The following CCDC175 variants were observed in gnomAD, a reference collection of about 807,000 sequenced individuals.
CCDC175 encodes coiled-coil domain containing 175.
CCDC175 carries 100 observed loss-of-function variants against 114.6 expected under a neutral mutation model. The ratio of observed to expected loss-of-function variants is 0.87; its 90% CI spans 0.74 to 1.03. The LOEUF is 1.03. CCDC175 is among the 50% of genes least tolerant of loss of function. CCDC175 has a pLI of 0.00. For synonymous variants in CCDC175, 306 were observed against 308.7 expected (o/e 0.99, Z 0.09); for missense variants, 880 against 917.8 (o/e 0.96, Z 0.53).
rs112518084 is a variant in CCDC175, at chr14:59,545,938, A to G, written c.1036-639T>C. ...TTATTCAAAAAACAAAAATAGAATT[A>G]CTATTCAACCCAGCAATCCCATTAC... On this transcript the variant is annotated intron_variant, in intron 8 of 19. Transcript: ENST00000537690. Among the ~76,000 whole-genome samples, 321 of 152,336 alleles carry G rather than the reference A, an allele frequency of 2.1e-3. 1 individual carries two copies. Among genetic ancestry groups the G allele is most frequent in the African/African-American group, 6.9e-3 (288 of 41,574 alleles).
At chr14:59,576,585 A>C in intron 1 of CCDC175, 34 bp downstream of exon 1, 1 of 1,394,738 alleles carries the variant, frequency 7.2e-7, no homozygotes, top group Non-Finnish European at 9.2e-7. Flanking sequence ...ACCTCTGAGG[A>C]GACGTCCCTT....
chr14:59,573,707 T>C (rs1458061556), intron 2 of CCDC175, among the ~76,000 whole-genome samples: 1 of 151,588 alleles, frequency 6.6e-6, no homozygotes, highest in East Asian at 1.9e-4. Flanking sequence ...CTCTGCCTCC[T>C]GGTTTCAAGC....
chr14:59,510,757 C>T lies in CCDC175; in HGVS notation c.2194G>A (p.Asp732Asn). The T allele has an allele frequency of 6.5e-7, 1 of 1,537,350 alleles. No individual in the cohort carries two copies. Among genetic ancestry groups the T allele is most frequent in the Non-Finnish European group, 8.7e-7 (1 of 1,146,904 alleles). ...TTTTCATCTCTTTCACGCAGCTTGT[C>T]TGTTAGATTGTTTATGTCTTGCAAG... ...ETLQDINNLT[D>N]KLRERDEKMQ... Residue 732 changes from aspartate to asparagine, a missense_variant, in exon 19 of 20, where the codon GAC becomes AAC. Physicochemically the swap from Asp to Asn is conservative, Grantham distance 23 (BLOSUM62 1). Transcript: ENST00000537690.
At chr14:59,513,554 G>A (rs775367958) in intron 17 of CCDC175, among the ~76,000 whole-genome samples, 1 of 152,202 alleles carries the variant, frequency 6.6e-6, no homozygotes, top group Non-Finnish European at 1.5e-5. Flanking sequence ...TATGCCCACG[G>A]AGCCTCACTC....
intron 7 of CCDC175, among the ~76,000 whole-genome samples, chr14:59,555,454 G>A (rs1305868037): frequency 2.6e-5 from 4 of 152,262 alleles, no homozygotes; most frequent in African/African-American, 9.6e-5. Context: ...TGGTATTGAT[G>A]GGACGTATCT....
At chr14:59,521,796 AG>A in intron 16 of CCDC175, 120 bp from the exon 17 acceptor site, 1 of 589,658 alleles carries the variant, frequency 1.7e-6, no homozygotes. Flanking sequence ...TTCTAGGTAC[AG>A]GGGTAACAGT....
At chr14:59,528,870 T>A (rs776176616) in intron 14 of CCDC175, among the ~76,000 whole-genome samples, 34 of 152,296 alleles carry the variant, frequency 2.2e-4, no homozygotes, top group Admixed American at 2.0e-3. Context: ...CTCTTTCTGT[T>A]CTCTAATCTT....
intron 15 of CCDC175, 60 bp downstream of exon 15, chr14:59,527,035 T>C: frequency 1.1e-6 from 1 of 877,632 alleles, no homozygotes; most frequent in Non-Finnish European, 1.7e-6. Context: ...AATACTACCA[T>C]CTGTATATAC....
intron 6 of CCDC175, among the ~76,000 whole-genome samples, chr14:59,562,904 T>G (rs1191318332): frequency 6.6e-6 from 1 of 152,172 alleles, no homozygotes; most frequent in Non-Finnish European, 1.5e-5. Context: ...GGGAGAAAAT[T>G]TTCATTTTAT....
intron 2 of CCDC175, among the ~76,000 whole-genome samples, chr14:59,574,453 T>G (rs2140137789): frequency 6.6e-6 from 1 of 152,328 alleles, no homozygotes; most frequent in Middle Eastern, 3.4e-3. Flanking sequence ...TGAAAGAGTT[T>G]CTCTTTGTTT....
intron 1 of CCDC175, among the ~76,000 whole-genome samples, chr14:59,576,241 A>G (rs777222734): frequency 1.3e-5 from 2 of 152,198 alleles, no homozygotes; most frequent in East Asian, 1.9e-4. Flanking sequence ...TGCCACGGCA[A>G]AATGTCGGAG....
chr14:59,539,395 T>C (rs927916365), intron 11 of CCDC175, among the ~76,000 whole-genome samples: 1 of 151,782 alleles, frequency 6.6e-6, no homozygotes, highest in South Asian at 2.1e-4. Flanking sequence ...CTGCCCAACA[T>C]GGAGAAACCC....
At chr14:59,511,262 T>C (rs1892723682) in intron 18 of CCDC175, among the ~76,000 whole-genome samples, 1 of 152,200 alleles carries the variant, frequency 6.6e-6, no homozygotes, top group Non-Finnish European at 1.5e-5. Flanking sequence ...AACGCTTTCC[T>C]AGTCCAGTGT....
intron 3 of CCDC175, among the ~76,000 whole-genome samples, chr14:59,571,856 G>A (rs1203618330): frequency 6.6e-6 from 1 of 152,132 alleles, no homozygotes; most frequent in Non-Finnish European, 1.5e-5. Context: ...TTGGATACAG[G>A]TGGAGTATCC....
chr14:59,544,941 G>A (rs548904399), intron 9 of CCDC175, among the ~76,000 whole-genome samples: 409 of 152,294 alleles, frequency 2.7e-3, no homozygotes, highest in African/African-American at 8.9e-3. Context: ...CTCCAGAACC[G>A]TGAGAAAATC....
intron 7 of CCDC175, among the ~76,000 whole-genome samples, chr14:59,553,489 G>A (rs1220452377): frequency 6.6e-5 from 10 of 152,262 alleles, no homozygotes; most frequent in South Asian, 2.1e-4. Context: ...AGGAAGAACC[G>A]GCACCAGCCA....
In CCDC175 at chr14:59,521,669, A is replaced by G. The variant is rs1212343048; in HGVS notation, c.2003T>C (p.Leu668Ser). 4 of 1,495,516 alleles carry G rather than the reference A, an allele frequency of 2.7e-6. No individual in the cohort carries two copies. Among genetic ancestry groups the G allele is most frequent in the Admixed American group, 3.9e-5 (2 of 50,856 alleles). 92.6% of individuals were successfully genotyped at this position (1,495,516 alleles called of 1,614,324 possible). A position where few individuals can be genotyped will look rare whatever the true frequency, so the allele number is the denominator to read the frequency against. ...LENKKLKEYI[L>S]YLKNNIEKYR... ...TTTCTCTATGTTATTCTTCAAGTATAAAATATACTGAAAATTAAAAGCATG... is the reference window on the plus strand; with the variant it reads ...TTTCTCTATGTTATTCTTCAAGTATGAAATATACTGAAAATTAAAAGCATG... Residue 668 changes from leucine (L) to serine (S), a missense_variant, in exon 17 of 20, where the codon TTA becomes TCA. By Grantham distance (145) the Leu-to-Ser change is moderately radical. Transcript: ENST00000537690.
intron 8 of CCDC175, among the ~76,000 whole-genome samples, chr14:59,547,289 T>C (rs889076004): frequency 6.6e-6 from 1 of 152,166 alleles, no homozygotes; most frequent in Non-Finnish European, 1.5e-5. Flanking sequence ...CTCAATACTG[T>C]GAAAATGTGA....
chr14:59,525,525 T>C, intron 15 of CCDC175, 91 bp from the exon 16 acceptor site: 1 of 884,348 alleles, frequency 1.1e-6, no homozygotes, highest in South Asian at 1.9e-5. Context: ...GGAGCCAGAT[T>C]CTAAATTAAT....
Sources: gnomAD v4.1 joint callset for allele counts (sites outside exome capture counted in the v4.1 genomes callset) on GRCh38, gnomAD v4.1.1 for gene constraint, MANE v1.5 for transcripts, NCBI Gene and HGNC (gene_info 2026-07-23, HGNC 2026-07-21) for gene names.